Variants in SV2C observed in about 807,000 individuals in gnomAD.
SV2C encodes the protein synaptic vesicle glycoprotein 2C, also known as solute carrier family 22 member B3.
Under a neutral mutation model 79.7 loss-of-function variants are expected in SV2C, and 49 were observed. The observed-to-expected ratio is 0.61, with a 90% CI of 0.49 to 0.78. SV2C has a LOEUF of 0.78. Ranked by LOEUF, SV2C falls within the 30% of genes least tolerant of loss-of-function variation. The pLI, the probability that SV2C is intolerant of heterozygous loss-of-function variation, is 0.00. For missense variants in SV2C, 833 were observed against 912.9 expected, an observed-to-expected ratio of 0.91 and a Z score of 1.13; for synonymous variants, 334 against 333.2, an observed-to-expected ratio of 1.00 and a Z score of -0.03.
intron 2 of SV2C, among the ~76,000 whole-genome samples, chr5:76,184,934 T>C (rs1743866666): frequency 6.6e-6 from 1 of 152,154 alleles, no homozygotes; most frequent in South Asian, 2.1e-4. Context: ...CAAAGTCTCA[T>C]CTGAGACAAG....
the SV2C span, among the ~76,000 whole-genome samples, chr5:76,036,406 T>C: frequency 0.82 from 124,466 of 152,042 alleles, 51,637 homozygotes; most frequent in African/African-American, 0.95. Flanking sequence ...CCATGTTTAG[T>C]GCTTCCTTCA....
At chr5:75,948,116 C>T in the SV2C span, among the ~76,000 whole-genome samples, 4 of 151,936 alleles carry the variant, frequency 2.6e-5, no homozygotes, top group African/African-American at 9.7e-5. Context: ...CTCATATACA[C>T]CTATTTTTAT....
chr5:76,090,222 A>G (rs1024097195), intron 1 of SV2C, among the ~76,000 whole-genome samples: 3 of 152,206 alleles, frequency 2.0e-5, no homozygotes, highest in African/African-American at 4.8e-5. Flanking sequence ...CTTCACGTTT[A>G]GAAGAATGCT....
chr5:76,044,572 G>A, the SV2C span, among the ~76,000 whole-genome samples: 1 of 152,144 alleles, frequency 6.6e-6, no homozygotes, highest in African/African-American at 2.4e-5. Flanking sequence ...ACCAGCATCT[G>A]TTGTTTCTTG....
At chr5:75,885,743 T>C in the SV2C span, among the ~76,000 whole-genome samples, 2 of 152,050 alleles carry the variant, frequency 1.3e-5, no homozygotes, top group Non-Finnish European at 2.9e-5. Context: ...TCAGGAGTCT[T>C]GTGTCTTCTG....
chr5:76,314,668 T>G (rs1290313897), intron 12 of SV2C, among the ~76,000 whole-genome samples: 3 of 152,172 alleles, frequency 2.0e-5, no homozygotes, highest in Non-Finnish European at 2.9e-5. Flanking sequence ...TACCCCATGT[T>G]CAGGTGAGGA....
intron 1 of SV2C, among the ~76,000 whole-genome samples, chr5:76,108,764 AG>A (rs1561218587): frequency 6.6e-6 from 1 of 152,208 alleles, no homozygotes; most frequent in African/African-American, 2.4e-5. Flanking sequence ...ATCAAATGTG[AG>A]TCCCACCCTA....
At chr5:75,889,193 C>T in the SV2C span, among the ~76,000 whole-genome samples, 12,126 of 151,962 alleles carry the variant, frequency 0.08, 507 homozygotes, top group Admixed American at 0.091. Flanking sequence ...TCTATCAACT[C>T]GTCAGGTTTT....
chr5:76,325,320 G>C, intron 12 of SV2C, 44 bp from the exon 13 acceptor site: 1 of 1,594,608 alleles, frequency 6.3e-7, no homozygotes, highest in Non-Finnish European at 8.6e-7. Flanking sequence ...TGGAATCATG[G>C]GGAGGCATTT....
intron 3 of SV2C, among the ~76,000 whole-genome samples, chr5:76,196,385 G>C (rs1425867617): frequency 6.6e-6 from 1 of 152,142 alleles, no homozygotes; most frequent in Non-Finnish European, 1.5e-5. Context: ...CATTTGCTTT[G>C]TAGCAACGGA....
intron 1 of SV2C, among the ~76,000 whole-genome samples, chr5:76,123,143 C>T (rs911251903): frequency 2.0e-5 from 3 of 152,190 alleles, no homozygotes; most frequent in East Asian, 1.9e-4. Context: ...TGGATAAATT[C>T]GTCGACACAT....
chr5:76,180,731 C>T lies in SV2C; in HGVS notation c.581-14188C>T, dbSNP rs184470451. On this transcript the variant is annotated intron_variant, in intron 2 of 12. Transcript: ENST00000502798. The stretch of plus-strand genomic sequence containing the variant: ...ACCTTGCCAGTGACCTCTTCCAGGA[C>T]GGGCCCAAAGGTCTTTTCTGAGCTC... Among the ~76,000 whole-genome samples the T allele has an allele frequency of 1.7e-3, 252 of 152,324 alleles. 5 individuals are homozygous for T. Among genetic ancestry groups the T allele is most frequent in the Admixed American group, 0.011 (173 of 15,306 alleles).
At chr5:75,963,107 G>A in the SV2C span, among the ~76,000 whole-genome samples, 20 of 152,180 alleles carry the variant, frequency 1.3e-4, no homozygotes, top group East Asian at 5.8e-4. Flanking sequence ...GGTGAGGCAC[G>A]GAATGGGAAG....
At chr5:75,945,957 A>C in the SV2C span, among the ~76,000 whole-genome samples, 1 of 152,102 alleles carries the variant, frequency 6.6e-6, no homozygotes, top group Non-Finnish European at 1.5e-5. Flanking sequence ...TATAGTATTA[A>C]ATGCTTATGT....
chr5:76,002,862 C>CGT, the SV2C span, among the ~76,000 whole-genome samples: 15 of 116,426 alleles, frequency 1.3e-4, no homozygotes, highest in Admixed American at 9.7e-4. Flanking sequence ...TACTTCTGTG[C>CGT]GTGTGTTTTT....
At chr5:76,209,679 C>T in intron 3 of SV2C, 57 bp from the exon 4 acceptor site, 6 of 1,539,984 alleles carry the variant, frequency 3.9e-6, no homozygotes, top group East Asian at 2.3e-5. Flanking sequence ...CTGCCCTTTG[C>T]GTCTCACATG....
At chr5:75,917,723 A>G in the SV2C span, among the ~76,000 whole-genome samples, 1 of 152,164 alleles carries the variant, frequency 6.6e-6, no homozygotes, top group Non-Finnish European at 1.5e-5. Context: ...ACCCCAAAAA[A>G]ATAGAAAGAA....
intron 2 of SV2C, among the ~76,000 whole-genome samples, chr5:76,136,489 A>C (rs978449410): frequency 6.6e-6 from 1 of 152,016 alleles, no homozygotes; most frequent in African/African-American, 2.4e-5. Flanking sequence ...TTGTTGTTAC[A>C]ATGTGACAAA....
intron 4 of SV2C, among the ~76,000 whole-genome samples, chr5:76,273,364 G>C (rs1746932700): frequency 6.6e-6 from 1 of 151,878 alleles, no homozygotes; most frequent in African/African-American, 2.4e-5. Context: ...TCTCACTGGA[G>C]TTTGGGAAGC....
Sources: allele counts gnomAD v4.1 joint callset (sites outside exome capture counted in the v4.1 genomes callset), GRCh38; gene constraint gnomAD v4.1.1; transcripts MANE v1.5; gene names NCBI Gene and HGNC (gene_info 2026-07-23, HGNC 2026-07-21).